C1GALT1: variants seen among roughly 807,000 people sequenced by gnomAD.
C1GALT1 encodes glycoprotein-N-acetylgalactosamine 3-beta-galactosyltransferase 1.
A neutral mutation model predicts 31.0 loss-of-function variants in C1GALT1; 11 were observed. That is an observed-to-expected ratio of 0.36 (90% CI 0.22 to 0.59). The LOEUF is 0.59. Ranked by LOEUF, C1GALT1 falls within the 20% of genes least tolerant of loss-of-function variation. The pLI is 0.79. For synonymous variants in C1GALT1, 175 were observed against 143.6 expected, an observed-to-expected ratio of 1.22 and a Z score of -1.56; for missense variants, 424 against 425.2, an observed-to-expected ratio of 1.00 and a Z score of 0.03.
chr7:7,215,799 T>A (rs1434971694), intron 1 of C1GALT1, among the ~76,000 whole-genome samples: 1 of 152,060 alleles, frequency 6.6e-6, no homozygotes, highest in Non-Finnish European at 1.5e-5. Context: ...AGCAGCAACA[T>A]AACATCCTCC....
intron 2 of C1GALT1, among the ~76,000 whole-genome samples, chr7:7,175,208 T>C (rs1037297451): frequency 6.6e-6 from 1 of 152,222 alleles, no homozygotes; most frequent in Non-Finnish European, 1.5e-5. Context: ...CTGTATTCCT[T>C]GTCAATATGG....
chr7:7,180,910 CAAA>C (rs34390245), upstream of C1GALT1, among the ~76,000 whole-genome samples: 1 of 127,780 alleles, frequency 7.8e-6, no homozygotes, highest in East Asian at 2.2e-4. Flanking sequence ...CATATCTCTT[CAAA>C]AAAAAAAAAA....
intron 1 of C1GALT1, among the ~76,000 whole-genome samples, chr7:7,189,338 A>T (rs767279309): frequency 6.6e-6 from 1 of 152,176 alleles, no homozygotes; most frequent in African/African-American, 2.4e-5. Context: ...ATTTAAAAAG[A>T]TGTTGTGAAA....
intron 1 of C1GALT1, among the ~76,000 whole-genome samples, chr7:7,226,367 TAA>T (rs57103163): frequency 6.9e-6 from 1 of 145,928 alleles, no homozygotes; most frequent in East Asian, 2.0e-4. Flanking sequence ...TGTTAAAATT[TAA>T]AAAAAAAAAT....
chr7:7,223,201 C>G (rs1241178187), intron 1 of C1GALT1, among the ~76,000 whole-genome samples: 2 of 152,172 alleles, frequency 1.3e-5, no homozygotes, highest in Non-Finnish European at 2.9e-5. Flanking sequence ...CTCTGTCACC[C>G]AGGCTGGAGT....
chr7:7,204,170 A>G (rs1321630903), intron 1 of C1GALT1, among the ~76,000 whole-genome samples: 2 of 144,404 alleles, frequency 1.4e-5, no homozygotes, highest in Non-Finnish European at 3.0e-5. Flanking sequence ...TCTTTTTCAC[A>G]TGTTGAGCAG....
At chr7:7,184,636 G>T (rs913033020) in intron 1 of C1GALT1, among the ~76,000 whole-genome samples, 5 of 152,194 alleles carry the variant, frequency 3.3e-5, no homozygotes, top group Non-Finnish European at 7.4e-5. Context: ...TATAAGCCAT[G>T]GTAATTTAGA....
At chr7:7,195,761 G>A (rs1583759053) in intron 1 of C1GALT1, among the ~76,000 whole-genome samples, 1 of 152,218 alleles carries the variant, frequency 6.6e-6, no homozygotes, top group Admixed American at 6.5e-5. Flanking sequence ...AGTGCCGTCA[G>A]TGGAGTATTA....
rs1438868936 is a variant in C1GALT1, at chr7:7,246,769, A to T, written c.*3042A>T. 6.6e-6 allele frequency: 1 copy of T among 152,190 alleles called. No homozygotes were observed. Among genetic ancestry groups the T allele is most frequent in the Non-Finnish European group, 1.5e-5 (1 of 68,052 alleles). 9.4% of individuals were successfully genotyped at this position (152,190 alleles called of 1,614,324 possible). A position where few individuals can be genotyped will look rare whatever the true frequency, so the allele number is the denominator to read the frequency against. ...GAACCAATACCCAACAACCTACGTGATTTTGGTGCAAGTAGTGTTTGAAAC... is the reference window on the plus strand; with the variant it reads ...GAACCAATACCCAACAACCTACGTGTTTTTGGTGCAAGTAGTGTTTGAAAC... On this transcript the variant is annotated 3_prime_UTR_variant, in exon 4 of 4. Coordinates refer to ENST00000436587, the MANE Select transcript of C1GALT1 (RefSeq NM_020156.5).
chr7:7,224,879 TGTATTTAAGTGTATTAAGC>T (rs1215607802), intron 1 of C1GALT1, among the ~76,000 whole-genome samples: 5 of 150,146 alleles, frequency 3.3e-5, no homozygotes, highest in Non-Finnish European at 4.4e-5. Flanking sequence ...GTGTATTAAG[TGTATTTAAGTGTATTAAGC>T]GTATTTAAGT....
chr7:7,228,422 A>C (rs2128245988), intron 1 of C1GALT1, among the ~76,000 whole-genome samples: 1 of 152,296 alleles, frequency 6.6e-6, no homozygotes, highest in East Asian at 1.9e-4. Flanking sequence ...TGGCATAAAG[A>C]ACTTCCCCCA....
intron 1 of C1GALT1, among the ~76,000 whole-genome samples, chr7:7,229,900 T>C (rs1360814197): frequency 2.6e-5 from 4 of 152,162 alleles, no homozygotes; most frequent in Admixed American, 2.6e-4. Context: ...GTACTCATCA[T>C]CCATGAAGGC....
rs192589973 is a variant in C1GALT1, at chr7:7,172,286, C to A, written c.-18+14860C>A. Among the ~76,000 whole-genome samples, 11 of 152,286 alleles carry A rather than the reference C, an allele frequency of 7.2e-5. No individual in the cohort carries two copies. In the East Asian group the frequency reaches 1.4e-3, roughly 19 times the overall value. Reference sequence around the variant, plus strand: ...ATGTCACTCCACTGTCTTCTGGCTTCCATGTTTTCTGATAAGAAACTGGCC... The same window carrying A: ...ATGTCACTCCACTGTCTTCTGGCTTACATGTTTTCTGATAAGAAACTGGCC... On this transcript the variant is annotated intron_variant, in intron 2 of 3. Coordinates refer to the C1GALT1 transcript ENST00000429911.
At chr7:7,173,749 A>G (rs1780477699) in intron 2 of C1GALT1, among the ~76,000 whole-genome samples, 2 of 152,048 alleles carry the variant, frequency 1.3e-5, no homozygotes, top group Admixed American at 1.3e-4. Context: ...AAAAAATACA[A>G]AAAATTAGCT....
rs570899754 is a variant in C1GALT1 at position 7,247,880 on chromosome 7, G to A, written c.*4153G>A. ...ACTAGGGTTCCCTATGAAATTGAAAGTAAAAGTCTAAGAATAATGCCTGCT... is the reference window on the plus strand; with the variant it reads ...ACTAGGGTTCCCTATGAAATTGAAAATAAAAGTCTAAGAATAATGCCTGCT... On this transcript the variant is annotated 3_prime_UTR_variant, in exon 4 of 4. Coordinates refer to ENST00000436587, the MANE Select transcript of C1GALT1 (RefSeq NM_020156.5). 1.3e-4 allele frequency: 20 copies of A among 152,074 alleles called. No individual in the cohort carries two copies. Among genetic ancestry groups the A allele is most frequent in the Non-Finnish European group, 1.9e-4 (13 of 67,882 alleles). The allele number at this position is 152,074 out of a possible 1,614,324, so 9.4% of individuals were successfully genotyped here.
chr7:7,243,608 C>T lies in C1GALT1; in HGVS notation c.973C>T (p.His325Tyr). The T allele has an allele frequency of 6.2e-7, 1 of 1,612,458 alleles. No homozygotes were observed. Among genetic ancestry groups the T allele is most frequent in the African/African-American group, 1.3e-5 (1 of 74,956 alleles). The change falls in exon 4 of 4, where the codon CAT (histidine) becomes TAT (tyrosine). Residue 325 changes from histidine to tyrosine, a missense_variant. His to Tyr is a moderately conservative substitution (Grantham distance 83, BLOSUM62 2). This residue lies in a region of C1GALT1 where 191 missense variants were observed against 188.8 expected (regional missense o/e 1.01). Transcript: ENST00000436587. ...GTATGAGTTAGAATACCTCGTTTAT[C>T]ATCTTCGTCCATATGGTTATTTATA... is the stretch of plus-strand genomic sequence containing the variant. ...TMYELEYLVY[H>Y]LRPYGYLYRY...
chr7:7,188,220 T>C (rs1412898188), intron 1 of C1GALT1, among the ~76,000 whole-genome samples: 1 of 152,176 alleles, frequency 6.6e-6, no homozygotes, highest in African/African-American at 2.4e-5. Context: ...TCTGTGTACT[T>C]TGTAGTTTAG....
At chr7:7,184,380 G>A (rs1218896249) in intron 1 of C1GALT1, among the ~76,000 whole-genome samples, 3 of 152,132 alleles carry the variant, frequency 2.0e-5, no homozygotes, top group Non-Finnish European at 4.4e-5. Context: ...TTAGGATTAA[G>A]CATTTTAGAA....
chr7:7,184,669 G>C (rs1780735003), intron 1 of C1GALT1, among the ~76,000 whole-genome samples: 1 of 152,212 alleles, frequency 6.6e-6, no homozygotes, highest in South Asian at 2.1e-4. Context: ...TAAAATCATT[G>C]ATTGGAATTT....
Sources: gnomAD v4.1 joint callset for allele counts (sites outside exome capture counted in the v4.1 genomes callset) on GRCh38, gnomAD v4.1.1 for gene constraint, gnomAD v4.1.1 regional missense constraint, MANE v1.5 for transcripts, NCBI Gene and HGNC (gene_info 2026-07-23, HGNC 2026-07-21) for gene names.